Variants in CDC14B observed in about 807,000 individuals in gnomAD.
The protein encoded by CDC14B is dual specificity protein phosphatase CDC14B.
CDC14B carries 22 observed loss-of-function variants against 64.2 expected under a neutral mutation model. The ratio of observed to expected loss-of-function variants is 0.34; its 90% CI spans 0.24 to 0.49. CDC14B has a LOEUF of 0.49. Ranked by LOEUF, CDC14B falls within the 20% of genes least tolerant of loss-of-function variation. The pLI is 0.99. For synonymous variants in CDC14B, 191 were observed against 215.8 expected (o/e 0.89, Z 1.01); for missense variants, 498 against 629.9 (o/e 0.79, Z 2.24).
chr9:96,516,759 A>T (rs1835727663), intron 12 of CDC14B, among the ~76,000 whole-genome samples: 1 of 151,988 alleles, frequency 6.6e-6, no homozygotes, highest in African/African-American at 2.4e-5. Flanking sequence ...TATAGGCGTG[A>T]GCCATCGCAC....
chr9:96,598,967 A>C (rs951274741), intron 1 of CDC14B, among the ~76,000 whole-genome samples: 2 of 152,258 alleles, frequency 1.3e-5, no homozygotes, highest in African/African-American at 4.8e-5. Context: ...TCTTTCCAAG[A>C]TGTATCATAT....
At chr9:96,592,040 C>T (rs114699085) in intron 1 of CDC14B, among the ~76,000 whole-genome samples, 1,749 of 152,010 alleles carry the variant, frequency 0.012, 29 homozygotes, top group African/African-American at 0.039. Context: ...CCACAGCGCC[C>T]GGCCTGTCTT....
At chr9:96,530,425 C>T (rs942698640) in intron 9 of CDC14B, among the ~76,000 whole-genome samples, 13 of 148,010 alleles carry the variant, frequency 8.8e-5, no homozygotes, top group African/African-American at 1.8e-4. Flanking sequence ...GCGCCACGCC[C>T]GGCTAATTTT....
At chr9:96,616,227 G>A (rs1240868242) in intron 1 of CDC14B, among the ~76,000 whole-genome samples, 1 of 152,106 alleles carries the variant, frequency 6.6e-6, no homozygotes, top group African/African-American at 2.4e-5. Flanking sequence ...TCAGGAAGCT[G>A]AGGCAGGAGA....
At chr9:96,584,607 G>A (rs952804803) in intron 1 of CDC14B, among the ~76,000 whole-genome samples, 6 of 152,142 alleles carry the variant, frequency 3.9e-5, no homozygotes, top group Admixed American at 3.3e-4. Flanking sequence ...ATAAGTAAGT[G>A]TCTATATCAT....
intron 1 of CDC14B, among the ~76,000 whole-genome samples, chr9:96,602,227 A>G (rs1383867289): frequency 1.3e-5 from 2 of 152,168 alleles, no homozygotes; most frequent in Non-Finnish European, 2.9e-5. Flanking sequence ...GACCTTCCAC[A>G]GCTCTTTTCC....
At chr9:96,530,653 A>C in intron 9 of CDC14B, among the ~76,000 whole-genome samples, 1 of 138,084 alleles carries the variant, frequency 7.2e-6, no homozygotes, top group East Asian at 2.1e-4. Context: ...TCTAATTTCG[A>C]TTTTTTTTTT....
At chr9:96,541,944 CT>C in intron 5 of CDC14B, 52 bp from the exon 6 acceptor site, 1 of 1,257,726 alleles carries the variant, frequency 8.0e-7, no homozygotes, top group South Asian at 1.3e-5. Context: ...TGCAATTACA[CT>C]TACCTAAGAC....
chr9:96,562,804 C>T lies in CDC14B; in HGVS notation c.328-19G>A. The T allele has an allele frequency of 1.4e-6, 2 of 1,444,656 alleles. No individual in the cohort carries two copies. The highest frequency in any genetic ancestry group is 1.9e-6 in the Non-Finnish European group (2 of 1,037,222). The allele number at this position is 1,444,656 out of a possible 1,614,324, so 89.5% of individuals were successfully genotyped here. A position where few individuals can be genotyped will look rare whatever the true frequency, so the allele number is the denominator to read the frequency against. ...TAATGGACTGCATAAAAATAAATAA[C>T]TGTTAGCATTTTCTTTTTAATTTCA... is the stretch of plus-strand genomic sequence containing the variant. On this transcript the variant is annotated intron_variant, in intron 3 of 13. Coordinates refer to ENST00000375241, the MANE Select transcript of CDC14B (RefSeq NM_033331.4).
chr9:96,570,342 T>C (rs1844396266), intron 1 of CDC14B, among the ~76,000 whole-genome samples: 2 of 152,200 alleles, frequency 1.3e-5, no homozygotes, highest in Non-Finnish European at 2.9e-5. Flanking sequence ...TAGGAAAGAT[T>C]TGAAGAACCC....
At chr9:96,524,374 GTCT>G (rs1837250148) in intron 9 of CDC14B, among the ~76,000 whole-genome samples, 1 of 152,214 alleles carries the variant, frequency 6.6e-6, no homozygotes, top group Non-Finnish European at 1.5e-5. Context: ...TAAGTGCAGT[GTCT>G]TCTGCCCTGG....
intron 4 of CDC14B, among the ~76,000 whole-genome samples, chr9:96,559,385 G>A (rs7035872): frequency 0.052 from 7,927 of 152,060 alleles, 696 homozygotes; most frequent in African/African-American, 0.18. Flanking sequence ...ATGCCAAGTC[G>A]AACACTAAAG....
intron 1 of CDC14B, among the ~76,000 whole-genome samples, chr9:96,611,089 T>C (rs950705628): frequency 2.9e-5 from 4 of 139,088 alleles, no homozygotes; most frequent in Non-Finnish European, 4.6e-5. Context: ...TGAAAAGCTA[T>C]AGAAAAAAAA....
At chr9:96,538,029 T>G (rs973450228) in intron 7 of CDC14B, among the ~76,000 whole-genome samples, 1 of 152,318 alleles carries the variant, frequency 6.6e-6, no homozygotes, top group Non-Finnish European at 1.5e-5. Flanking sequence ...AGATTTTTCC[T>G]TTTTTATTTA....
chr9:96,517,445 G>A (rs1345137784), intron 12 of CDC14B, among the ~76,000 whole-genome samples: 2 of 150,164 alleles, frequency 1.3e-5, no homozygotes, highest in African/African-American at 4.9e-5. Context: ...GAGGTCAGGA[G>A]ATCAAGACCA....
rs541890606 is a variant in CDC14B, at chr9:96,617,757, C to T, written c.160+1462G>A. Among the ~76,000 whole-genome samples the T allele has an allele frequency of 5.3e-5, 8 of 152,308 alleles. No homozygotes were observed. In the South Asian group the frequency reaches 1.5e-3, roughly 28 times the overall value. On this transcript the variant is annotated intron_variant, in intron 1 of 13. Transcript: ENST00000375241. ...GAGACCAACTTTTCTGCACGTACTC[C>T]TGTGCACCTTTAGAATTGGAGTTCT...
intron 5 of CDC14B, among the ~76,000 whole-genome samples, chr9:96,550,577 T>G (rs1841651533): frequency 6.6e-6 from 1 of 152,226 alleles, no homozygotes; most frequent in African/African-American, 2.4e-5. Context: ...ACTAACGAAC[T>G]AATTAGTTTG....
chr9:96,514,819 A>G (rs1400528678), intron 12 of CDC14B: 1 of 985,370 alleles, frequency 1.0e-6, no homozygotes, highest in East Asian at 1.1e-4. Flanking sequence ...CTGTTCCACA[A>G]GTGGGCCTCT....
In CDC14B at chr9:96,539,138, T is replaced by G. The variant is rs760657427; in HGVS notation, c.567A>C (p.Ala189=). ...TGAAATTAAGGAAGCCATACTGCAT[T>G]GCCTAAAATCCAAAAGAAAGCTTTT... ...LLDCFHAVKK[A]MQYGFLNFNS... The change falls in exon 7 of 14, where the codon GCA becomes GCC. Residue 189 remains alanine (A), a splice_region_variant and synonymous_variant. Coordinates refer to ENST00000375241, the MANE Select transcript of CDC14B (RefSeq NM_033331.4). 6.2e-7 allele frequency: 1 copy of G among 1,601,414 alleles called. No homozygotes were observed. The highest frequency in any genetic ancestry group is 8.6e-7 in the Non-Finnish European group (1 of 1,169,074).
Sources: gnomAD v4.1 joint callset for allele counts (sites outside exome capture counted in the v4.1 genomes callset) on GRCh38, gnomAD v4.1.1 for gene constraint, MANE v1.5 for transcripts, NCBI Gene and HGNC (gene_info 2026-07-23, HGNC 2026-07-21) for gene names.